The following MACROD2 variants were observed in gnomAD, a reference collection of about 807,000 sequenced individuals.
MACROD2 encodes the protein mono-ADP ribosylhydrolase 2.
A neutral mutation model predicts 70.4 loss-of-function variants in MACROD2; 36 were observed. That is an observed-to-expected ratio of 0.51 (90% CI 0.39 to 0.68). MACROD2 has a LOEUF of 0.68. MACROD2 is among the 30% of genes least tolerant of loss of function. The pLI, the probability that MACROD2 is intolerant of heterozygous loss-of-function variation, is 0.00. For synonymous variants in MACROD2, 172 were observed against 178.8 expected, an observed-to-expected ratio of 0.96 and a Z score of 0.30; for missense variants, 496 against 538.4, an observed-to-expected ratio of 0.92 and a Z score of 0.78.
intron 5 of MACROD2, among the ~76,000 whole-genome samples, chr20:15,177,960 T>C (rs2076474432): frequency 1.3e-5 from 2 of 152,076 alleles, no homozygotes; most frequent in Admixed American, 1.3e-4. Flanking sequence ...TTTTTCTTTC[T>C]CTGTAGTGAA....
intron 3 of MACROD2, among the ~76,000 whole-genome samples, chr20:14,259,397 A>G (rs888095661): frequency 6.6e-6 from 1 of 152,128 alleles, no homozygotes; most frequent in South Asian, 2.1e-4. Context: ...TTCTGTGTCA[A>G]TTATGTATAT....
intron 10 of MACROD2, among the ~76,000 whole-genome samples, chr20:15,921,847 G>A (rs991785420): frequency 1.3e-5 from 2 of 152,336 alleles, no homozygotes; most frequent in Admixed American, 1.3e-4. Context: ...ACAAAAACAG[G>A]TGCATGAACA....
At chr20:15,045,588 A>C (rs16995245) in intron 5 of MACROD2, among the ~76,000 whole-genome samples, 17,165 of 152,066 alleles carry the variant, frequency 0.11, 2,535 homozygotes, top group African/African-American at 0.33. Flanking sequence ...CATAAATTAC[A>C]AATATATGGT....
intron 8 of MACROD2, among the ~76,000 whole-genome samples, chr20:15,623,949 A>G (rs1411567557): frequency 6.6e-6 from 1 of 152,208 alleles, no homozygotes; most frequent in Non-Finnish European, 1.5e-5. Flanking sequence ...GAGATTATTA[A>G]GGATAATTGA....
intron 8 of MACROD2, among the ~76,000 whole-genome samples, chr20:15,507,170 A>G (rs755505304): frequency 3.9e-5 from 6 of 152,106 alleles, no homozygotes; most frequent in African/African-American, 7.2e-5. Context: ...TTTGCTCTTC[A>G]AGAACACTGA....
intron 6 of MACROD2, among the ~76,000 whole-genome samples, chr20:15,301,874 T>C (rs754539194): frequency 2.6e-5 from 4 of 152,136 alleles, no homozygotes; most frequent in Non-Finnish European, 5.9e-5. Flanking sequence ...GTCTCATTTT[T>C]CCTCTAACTT....
At chr20:15,511,259 T>C (rs1330792346) in intron 8 of MACROD2, among the ~76,000 whole-genome samples, 3 of 152,218 alleles carry the variant, frequency 2.0e-5, no homozygotes, top group Non-Finnish European at 4.4e-5. Context: ...TCATTTAAGT[T>C]TCACAATAAA....
At chr20:15,896,515 G>T (rs140337977) in intron 10 of MACROD2, among the ~76,000 whole-genome samples, 3 of 148,488 alleles carry the variant, frequency 2.0e-5, no homozygotes, top group Non-Finnish European at 4.4e-5. Flanking sequence ...CCAAGTCCAC[G>T]CAGTTTGTTA....
chr20:14,393,355 C>G (rs1334494640), intron 3 of MACROD2, among the ~76,000 whole-genome samples: 1 of 152,126 alleles, frequency 6.6e-6, no homozygotes, highest in Non-Finnish European at 1.5e-5. Flanking sequence ...TCTTTATGAT[C>G]TAACTCCATT....
chr20:15,020,098 A>G (rs548282766), intron 5 of MACROD2, among the ~76,000 whole-genome samples: 69 of 152,142 alleles, frequency 4.5e-4, no homozygotes, highest in Non-Finnish European at 8.5e-4. Context: ...TTATACTGAA[A>G]GAGATGGGAG....
At chr20:15,599,965 A>G (rs1269436776) in intron 8 of MACROD2, among the ~76,000 whole-genome samples, 1 of 152,144 alleles carries the variant, frequency 6.6e-6, no homozygotes, top group Non-Finnish European at 1.5e-5. Flanking sequence ...AGGATGGGGC[A>G]CACAACCTGA....
chr20:14,396,904 G>A (rs1330688024), intron 3 of MACROD2, among the ~76,000 whole-genome samples: 7 of 109,296 alleles, frequency 6.4e-5, no homozygotes, highest in Admixed American at 2.2e-4. Flanking sequence ...CAGCCTGGAC[G>A]ACAGAGCGAG....
intron 3 of MACROD2, among the ~76,000 whole-genome samples, chr20:14,488,607 A>G (rs1390582718): frequency 1.3e-5 from 2 of 152,140 alleles, no homozygotes; most frequent in African/African-American, 4.8e-5. Flanking sequence ...ACACACAGAG[A>G]CACATACATA....
In MACROD2 at chr20:14,842,640, C is replaced by T. The variant is rs559621856; in HGVS notation, c.418+157681C>T. The stretch of plus-strand genomic sequence containing the variant: ...TAGACTCAAAGCAGATATTTGTGTG[C>T]GATTAAAGTAGAAAATGATACCCTA... On this transcript the variant is annotated intron_variant, in intron 5 of 17. Coordinates refer to ENST00000684519, the MANE Select transcript of MACROD2 (RefSeq NM_001351661.2). 2.2e-4 allele frequency among the ~76,000 whole-genome samples: 33 copies of T among 152,094 alleles called. No homozygotes were observed. The South Asian group carries it at 5.8e-3, about 27-fold the overall frequency.
chr20:15,844,864 A>AT (rs370450487), intron 8 of MACROD2, among the ~76,000 whole-genome samples: 16 of 151,592 alleles, frequency 1.1e-4, no homozygotes, highest in Non-Finnish European at 1.5e-4. Context: ...CCAGCTGCAT[A>AT]TTTTTTTTTA....
At chr20:14,108,619 C>G (rs1329745571) in intron 3 of MACROD2, among the ~76,000 whole-genome samples, 1 of 151,922 alleles carries the variant, frequency 6.6e-6, no homozygotes, top group East Asian at 1.9e-4. Flanking sequence ...AGTAGCTATA[C>G]TTGTATCAGA....
intron 3 of MACROD2, among the ~76,000 whole-genome samples, chr20:14,423,588 T>C (rs1436334101): frequency 6.7e-6 from 1 of 150,210 alleles, no homozygotes; most frequent in Non-Finnish European, 1.5e-5. Flanking sequence ...TAGTCCCAGC[T>C]ACTCGGGAGG....
At chr20:16,014,209 A>C (rs1250802221) in intron 15 of MACROD2, among the ~76,000 whole-genome samples, 3 of 152,246 alleles carry the variant, frequency 2.0e-5, no homozygotes, top group African/African-American at 7.2e-5. Flanking sequence ...TTGTCTTCAA[A>C]TAGACTAGGT....
At chr20:15,929,503 T>G (rs1199616844) in intron 10 of MACROD2, among the ~76,000 whole-genome samples, 1 of 151,858 alleles carries the variant, frequency 6.6e-6, no homozygotes, top group Non-Finnish European at 1.5e-5. Flanking sequence ...AATAATCTAA[T>G]CTGCAAAGCA....
Sources: allele counts gnomAD v4.1 joint callset (sites outside exome capture counted in the v4.1 genomes callset), GRCh38; gene constraint gnomAD v4.1.1; transcripts MANE v1.5; gene names NCBI Gene and HGNC (gene_info 2026-07-23, HGNC 2026-07-21).